The following KCNH1 variants were observed in gnomAD, a reference collection of about 807,000 sequenced individuals.
The protein encoded by KCNH1 is potassium voltage-gated channel subfamily H member 1, also known as voltage-gated delayed rectifier potassium channel KCNH1.
A neutral mutation model predicts 69.2 loss-of-function variants in KCNH1; 27 were observed. The ratio of observed to expected loss-of-function variants is 0.39; its 90% confidence interval spans 0.29 to 0.54. The LOEUF is 0.54. Among genes scored for constraint, KCNH1 ranks in the 20% least tolerant of loss-of-function variants. The pLI is 0.68. For missense variants in KCNH1, 798 were observed against 1,261.6 expected (o/e 0.63, Z 5.57); for synonymous variants, 456 against 487.7 (o/e 0.93, Z 0.86).
intron 5 of KCNH1, among the ~76,000 whole-genome samples, chr1:211,076,691 G>C (rs1690739960): frequency 6.6e-6 from 1 of 152,232 alleles, no homozygotes; most frequent in Non-Finnish European, 1.5e-5. Context: ...AAAAACCTGA[G>C]AGCCTCTTCT....
At chr1:211,060,717 TG>T (rs1690420239) in intron 5 of KCNH1, among the ~76,000 whole-genome samples, 1 of 151,902 alleles carries the variant, frequency 6.6e-6, no homozygotes. Context: ...CTAGAAGAAA[TG>T]GGTAAATTCC....
intron 7 of KCNH1, among the ~76,000 whole-genome samples, chr1:210,818,277 TAA>T (rs1267213977): frequency 6.6e-6 from 1 of 152,196 alleles, no homozygotes; most frequent in Non-Finnish European, 1.5e-5. Flanking sequence ...ATTTCCAGCC[TAA>T]TAGTGATGTC....
chr1:210,820,002 C>A (rs889278356), intron 7 of KCNH1, among the ~76,000 whole-genome samples: 3 of 152,226 alleles, frequency 2.0e-5, no homozygotes, highest in African/African-American at 7.2e-5. Context: ...CCAAATCGTG[C>A]CTTCAGATAA....
chr1:211,113,987 CACACACACACACACACAT>C (rs1459929699), intron 1 of KCNH1, among the ~76,000 whole-genome samples: 5 of 149,984 alleles, frequency 3.3e-5, no homozygotes, highest in Admixed American at 6.7e-5. Flanking sequence ...CACACACACA[CACACACACACACACACAT>C]ACACACACAC....
intron 5 of KCNH1, among the ~76,000 whole-genome samples, chr1:211,036,717 A>C (rs1689904773): frequency 7.3e-6 from 1 of 136,998 alleles, no homozygotes; most frequent in African/African-American, 2.7e-5. Flanking sequence ...ACTACAGTAC[A>C]GTCAATAATC....
At chr1:210,780,539 A>G (rs1442449527) in intron 9 of KCNH1, among the ~76,000 whole-genome samples, 1 of 152,138 alleles carries the variant, frequency 6.6e-6, no homozygotes, top group Non-Finnish European at 1.5e-5. Flanking sequence ...AGGTGACTAT[A>G]ATGTGTTAGG....
intron 5 of KCNH1, among the ~76,000 whole-genome samples, chr1:211,039,309 G>T (rs1689950852): frequency 6.6e-6 from 1 of 152,250 alleles, no homozygotes; most frequent in East Asian, 1.9e-4. Context: ...ATGCCTGGAT[G>T]CCTAGGCAAA....
At chr1:210,947,156 C>G (rs1174933547) in intron 6 of KCNH1, among the ~76,000 whole-genome samples, 1 of 152,192 alleles carries the variant, frequency 6.6e-6, no homozygotes, top group Non-Finnish European at 1.5e-5. Context: ...AGATCGACCT[C>G]TAAAGAGACA....
At chr1:211,009,988 C>T (rs1156886625) in intron 6 of KCNH1, among the ~76,000 whole-genome samples, 1 of 152,084 alleles carries the variant, frequency 6.6e-6, no homozygotes, top group African/African-American at 2.4e-5. Context: ...TGGGTGTTGT[C>T]AGTCTGAGGA....
chr1:210,822,747 G>A (rs112673517), intron 7 of KCNH1, among the ~76,000 whole-genome samples: 89 of 152,210 alleles, frequency 5.8e-4, no homozygotes, highest in African/African-American at 2.1e-3. Context: ...CTCTGTGCTA[G>A]AACCTGATCC....
Position 210,679,225 on chromosome 1 carries a change from C to T in KCNH1, c.*4056G>A. Reference sequence around the variant, plus strand: ...GAGAAGGCAGTATATAGAGCAATAACAATGATTTAGCAACAGAGGGAGGCT... The same window carrying T: ...GAGAAGGCAGTATATAGAGCAATAATAATGATTTAGCAACAGAGGGAGGCT... On this transcript the variant is annotated 3_prime_UTR_variant, in exon 11 of 11. Coordinates refer to ENST00000271751, the MANE Select transcript of KCNH1 (RefSeq NM_172362.3). 1 of 152,152 alleles carries T rather than the reference C, an allele frequency of 6.6e-6. No individual in the cohort carries two copies. Among genetic ancestry groups the T allele is most frequent in the East Asian group, 1.9e-4 (1 of 5,192 alleles). 9.4% of individuals were successfully genotyped at this position (152,152 alleles called of 1,614,324 possible).
At chr1:210,860,474 C>T (rs1307969492) in intron 7 of KCNH1, 1 of 851,998 alleles carries the variant, frequency 1.2e-6, no homozygotes, top group Non-Finnish European at 2.1e-6. Flanking sequence ...ACTGCTTTGT[C>T]ATCACTACCT....
intron 7 of KCNH1, among the ~76,000 whole-genome samples, chr1:210,833,781 C>T (rs1323017375): frequency 6.6e-6 from 1 of 152,120 alleles, no homozygotes; most frequent in Non-Finnish European, 1.5e-5. Context: ...TCACAACCTA[C>T]TCATCTGACA....
intron 1 of KCNH1, among the ~76,000 whole-genome samples, chr1:211,125,615 C>T (rs560027785): frequency 1.1e-4 from 16 of 152,266 alleles, no homozygotes; most frequent in East Asian, 1.9e-4. Context: ...TTTGCCAATA[C>T]GGTATCAACT....
intron 6 of KCNH1, among the ~76,000 whole-genome samples, chr1:210,920,391 C>T (rs1687435129): frequency 6.6e-6 from 1 of 151,980 alleles, no homozygotes; most frequent in African/African-American, 2.4e-5. Context: ...TTAAGGGTTG[C>T]ATAATATTTC....
chr1:210,994,672 A>T (rs1278068466), intron 6 of KCNH1, among the ~76,000 whole-genome samples: 1 of 152,220 alleles, frequency 6.6e-6, no homozygotes, highest in Admixed American at 6.5e-5. Flanking sequence ...GAAAATAATT[A>T]TGTAGGCCAG....
intron 5 of KCNH1, among the ~76,000 whole-genome samples, chr1:211,058,711 C>G (rs1690362523): frequency 1.3e-5 from 2 of 151,898 alleles, no homozygotes; most frequent in African/African-American, 4.8e-5. Flanking sequence ...AGAAAAACAA[C>G]AAAATGGCAG....
chr1:210,916,958 G>A (rs1687344947), intron 7 of KCNH1, among the ~76,000 whole-genome samples: 1 of 151,970 alleles, frequency 6.6e-6, no homozygotes, highest in African/African-American at 2.4e-5. Context: ...GACCAGCCTG[G>A]CCAACATGGT....
chr1:210,996,885 G>A (rs572949112), intron 6 of KCNH1, among the ~76,000 whole-genome samples: 113 of 152,300 alleles, frequency 7.4e-4, no homozygotes, highest in African/African-American at 2.6e-3. Context: ...TGCAGCCACC[G>A]CTGCTGATAC....
Sources: gnomAD v4.1 joint callset for allele counts (sites outside exome capture counted in the v4.1 genomes callset) on GRCh38, gnomAD v4.1.1 for gene constraint, MANE v1.5 for transcripts, NCBI Gene and HGNC (gene_info 2026-07-23, HGNC 2026-07-21) for gene names.